The following AGBL3 variants were observed in gnomAD, a reference collection of about 807,000 sequenced individuals.
The protein encoded by AGBL3 is AGBL carboxypeptidase 3, also known as cytosolic carboxypeptidase 3.
AGBL3 carries 68 observed loss-of-function variants against 94.5 expected under a neutral mutation model. The ratio of observed to expected loss-of-function variants is 0.72; its 90% CI spans 0.59 to 0.88. AGBL3 has a LOEUF of 0.88. AGBL3 is among the 40% of genes least tolerant of loss of function. AGBL3 has a pLI of 0.00. For synonymous variants in AGBL3, 354 were observed against 370.7 expected (o/e 0.95, Z 0.52); for missense variants, 934 against 1,103.8 (o/e 0.85, Z 2.18).
chr7:135,014,890 C>A (rs1221261527), intron 4 of AGBL3, among the ~76,000 whole-genome samples: 1 of 152,186 alleles, frequency 6.6e-6, no homozygotes, highest in Non-Finnish European at 1.5e-5. Flanking sequence ...AGTGTTTTTT[C>A]ACAGCTCGAG....
chr7:135,004,236 A>G (rs1319258276), intron 4 of AGBL3, among the ~76,000 whole-genome samples: 5 of 151,678 alleles, frequency 3.3e-5, no homozygotes, highest in African/African-American at 7.2e-5. Flanking sequence ...TTGGTGAGTT[A>G]TATTAGTTTT....
intron 12 of AGBL3, among the ~76,000 whole-genome samples, chr7:135,062,998 T>C (rs1208608728): frequency 1.3e-5 from 2 of 152,182 alleles, no homozygotes; most frequent in Non-Finnish European, 2.9e-5. Context: ...CTTTGGCTTT[T>C]CTTTGATGGG....
chr7:134,999,740 C>A (rs1005903217), intron 4 of AGBL3, among the ~76,000 whole-genome samples: 1 of 152,212 alleles, frequency 6.6e-6, no homozygotes, highest in Admixed American at 6.5e-5. Flanking sequence ...CACACCCAAA[C>A]TTTGATTATT....
intron 4 of AGBL3, among the ~76,000 whole-genome samples, chr7:135,004,637 T>TA (rs1812157992): frequency 1.3e-5 from 2 of 151,368 alleles, no homozygotes; most frequent in Admixed American, 6.6e-5. Flanking sequence ...TTTGGTTATT[T>TA]TCCTAGAAAA....
chr7:135,052,033 C>T (rs1025518904), intron 11 of AGBL3, among the ~76,000 whole-genome samples: 1 of 152,028 alleles, frequency 6.6e-6, no homozygotes, highest in African/African-American at 2.4e-5. Flanking sequence ...AACACATTTA[C>T]ATAAGAACAT....
At chr7:135,128,583 T>C (rs753382078) in intron 16 of AGBL3, 6 of 770,948 alleles carry the variant, frequency 7.8e-6, no homozygotes, top group Non-Finnish European at 1.4e-5. Flanking sequence ...TTCAAGATGT[T>C]TGTGAGCGCT....
At chr7:135,086,090 G>C (rs1339586773) in intron 15 of AGBL3, among the ~76,000 whole-genome samples, 1 of 151,792 alleles carries the variant, frequency 6.6e-6, no homozygotes. Flanking sequence ...ATTTTTTGTA[G>C]CTATTGTAAA....
At chr7:135,050,438 T>C (rs989786054) in intron 11 of AGBL3, among the ~76,000 whole-genome samples, 2 of 152,008 alleles carry the variant, frequency 1.3e-5, no homozygotes, top group African/African-American at 4.8e-5. Flanking sequence ...TGTTTCCTTA[T>C]TGATCATCTA....
intron 15 of AGBL3, among the ~76,000 whole-genome samples, chr7:135,114,821 C>T (rs1470458907): frequency 6.6e-6 from 1 of 152,196 alleles, no homozygotes; most frequent in African/African-American, 2.4e-5. Context: ...CTCAGACTGA[C>T]ACTCCTCTGC....
At chr7:135,059,859 G>A (rs1256626629) in intron 12 of AGBL3, among the ~76,000 whole-genome samples, 1 of 152,122 alleles carries the variant, frequency 6.6e-6, no homozygotes, top group African/African-American at 2.4e-5. Flanking sequence ...TAGATACTAG[G>A]TATATTAACT....
intron 9 of AGBL3, 114 bp from the exon 10 acceptor site, chr7:135,045,359 TA>T: frequency 1.2e-6 from 1 of 832,812 alleles, no homozygotes; most frequent in Non-Finnish European, 1.9e-6. Context: ...GAAAAAAATC[TA>T]AAGGATAGGA....
At chr7:135,083,703 CT>C (rs1042633086) in intron 15 of AGBL3, among the ~76,000 whole-genome samples, 2 of 152,128 alleles carry the variant, frequency 1.3e-5, no homozygotes, top group African/African-American at 4.8e-5. Context: ...TATCATATTT[CT>C]TTATTCTCTT....
At position 134,988,633 on chromosome 7, in the gene AGBL3, AT is replaced by A. The variant is rs906931665; in HGVS notation, c.64-604del. Among the ~76,000 whole-genome samples, 933 of 146,352 alleles carry A rather than the reference AT, an allele frequency of 6.4e-3. 5 individuals carry two copies. Among genetic ancestry groups the A allele is most frequent in the Admixed American group, 0.016 (231 of 14,674 alleles). On this transcript the variant is annotated intron_variant, in intron 2 of 16. Coordinates refer to ENST00000436302, the MANE Select transcript of AGBL3 (RefSeq NM_178563.4). ...CTGTGTTTTTCTTTTTGTTAATTTA[AT>A]TTTTTTTTTTTTCTTGAGCCAGAGT...
At chr7:135,050,281 A>G (rs980340966) in intron 11 of AGBL3, among the ~76,000 whole-genome samples, 1 of 151,914 alleles carries the variant, frequency 6.6e-6, no homozygotes, top group Non-Finnish European at 1.5e-5. Flanking sequence ...TAAATTTGTT[A>G]AGGCTTGTTT....
chr7:135,125,136 A>G (rs1244871577), intron 16 of AGBL3, among the ~76,000 whole-genome samples: 1 of 152,038 alleles, frequency 6.6e-6, no homozygotes, highest in Non-Finnish European at 1.5e-5. Context: ...AAAATTAACA[A>G]AATAGACCAC....
chr7:135,057,419 G>GA (rs774365414), intron 11 of AGBL3, among the ~76,000 whole-genome samples: 724 of 23,234 alleles, frequency 0.031, 4 homozygotes, highest in Non-Finnish European at 0.15. Context: ...GTTGAAAACT[G>GA]AAAAAAAATA....
intron 12 of AGBL3, among the ~76,000 whole-genome samples, chr7:135,070,428 A>G (rs1819786295): frequency 6.6e-6 from 1 of 152,244 alleles, no homozygotes; most frequent in South Asian, 2.1e-4. Flanking sequence ...ACAAAAAAAG[A>G]GAATTTTAGA....
In AGBL3 at chr7:135,043,995, C is replaced by T. The variant is rs763371735; in HGVS notation, c.1501-30C>T. Reference sequence around the variant, plus strand: ...AAAAAAGATATCGGTACCAGAACAACGAGTCTCATTTTTATTTGCTGCTTT... The same window carrying T: ...AAAAAAGATATCGGTACCAGAACAATGAGTCTCATTTTTATTTGCTGCTTT... On this transcript the variant is annotated intron_variant, in intron 8 of 16. Transcript: ENST00000436302. 55 of 1,537,978 alleles carry T rather than the reference C, an allele frequency of 3.6e-5. 1 individual carries two copies. In the South Asian group the frequency reaches 5.3e-4, roughly 15 times the overall value.
rs370944722 is a variant in AGBL3, at chr7:135,034,304, G to T, written c.713G>T (p.Gly238Val). The T allele has an allele frequency of 7.3e-5, 113 of 1,551,672 alleles. No homozygotes were observed. The highest frequency in any genetic ancestry group is 9.2e-5 in the Non-Finnish European group (105 of 1,146,980). The change falls in exon 7 of 17, where the codon GGT becomes GTT. Residue 238 changes from glycine to valine, a missense_variant. Gly to Val is a moderately radical substitution (Grantham distance 109, BLOSUM62 -3). Transcript: ENST00000436302. ...AAACCTGCTAGTCTTTACAGTCGGG[G>T]TATGCGCCCACTGTTCTATTCTGAA... ...FTKPASLYSR[G>V]MRPLFYSEKE... is the part of the protein sequence containing the mutation.
Sources: allele counts gnomAD v4.1 joint callset (sites outside exome capture counted in the v4.1 genomes callset), GRCh38; gene constraint gnomAD v4.1.1; transcripts MANE v1.5; gene names NCBI Gene and HGNC (gene_info 2026-07-23, HGNC 2026-07-21).